Variants in RANBP3L observed in about 807,000 individuals in gnomAD.
The protein encoded by RANBP3L is RAN binding protein 3 like, also known as ran-binding protein 3-like.
In RANBP3L, 56 loss-of-function variants were observed where a neutral mutation model predicts 67.2. That is an observed-to-expected ratio of 0.83 (90% CI 0.67 to 1.04). The LOEUF is 1.04. Among genes scored for constraint, RANBP3L ranks in the 50% least tolerant of loss-of-function variants. The probability of loss-of-function intolerance (pLI) is 0.00; values close to 1 mark genes in which losing one functional copy is unlikely to be tolerated. For missense variants in RANBP3L, 496 were observed against 535.5 expected, an observed-to-expected ratio of 0.93 and a Z score of 0.73; for synonymous variants, 164 against 181.4, an observed-to-expected ratio of 0.90 and a Z score of 0.77.
intron 1 of RANBP3L, among the ~76,000 whole-genome samples, chr5:36,273,640 T>G (rs1031585039): frequency 6.6e-6 from 1 of 152,176 alleles, no homozygotes; most frequent in Non-Finnish European, 1.5e-5. Flanking sequence ...AAAGTAAGCA[T>G]TTGTCAAGCC....
rs1309514550 is a variant in RANBP3L at position 36,247,765 on chromosome 5, T to A, written c.*1889A>T. 6.6e-6 allele frequency among the ~76,000 whole-genome samples: 1 copy of A among 152,168 alleles called. No individual in the cohort carries two copies. The highest frequency in any genetic ancestry group is 1.5e-5 in the Non-Finnish European group (1 of 68,036). On this transcript the variant is annotated 3_prime_UTR_variant, in exon 14 of 14. Transcript: ENST00000296604. ...CAGGTATGATGGCGGGCGCCTGTAA[T>A]CCCAGCTACTCAGGAGGCTGAGTGA...
chr5:36,262,547 T>G (rs891298807), intron 6 of RANBP3L, among the ~76,000 whole-genome samples: 1 of 152,132 alleles, frequency 6.6e-6, no homozygotes, highest in African/African-American at 2.4e-5. Flanking sequence ...TGTACATATG[T>G]GTATGCACAA....
intron 11 of RANBP3L, 71 bp from the exon 12 acceptor site, chr5:36,253,860 A>G: frequency 1.4e-6 from 2 of 1,456,382 alleles, no homozygotes; most frequent in Non-Finnish European, 1.9e-6. Flanking sequence ...TTTCAAAAGC[A>G]AAATAAATCT....
At chr5:36,263,880 C>T (rs1391544868) in intron 6 of RANBP3L, among the ~76,000 whole-genome samples, 1 of 152,186 alleles carries the variant, frequency 6.6e-6, no homozygotes, top group Non-Finnish European at 1.5e-5. Flanking sequence ...ATAATTATTA[C>T]ATTATATTTA....
At chr5:36,291,187 C>T (rs1751726884) in intron 1 of RANBP3L, among the ~76,000 whole-genome samples, 1 of 151,950 alleles carries the variant, frequency 6.6e-6, no homozygotes, top group African/African-American at 2.4e-5. Context: ...AAAACTGAAA[C>T]CCTGTACCAT....
At position 36,300,656 on chromosome 5, in the gene RANBP3L, C is replaced by T. The variant is rs141136816; in HGVS notation, c.91+670G>A. Among the ~76,000 whole-genome samples the T allele has an allele frequency of 3.4e-3, 517 of 152,250 alleles. 3 individuals are homozygous for T. Among genetic ancestry groups the T allele is most frequent in the African/African-American group, 0.012 (479 of 41,542 alleles). ...CTTTCCCACAAGTGTCATTTGCTGT[C>T]CCTGACAGGGTGGATTGGAGGGATC... is the stretch of plus-strand genomic sequence containing the variant. On this transcript the variant is annotated intron_variant, in intron 1 of 13. Transcript: ENST00000296604.
chr5:36,280,891 C>T (rs1012327063), intron 1 of RANBP3L, among the ~76,000 whole-genome samples: 1 of 152,052 alleles, frequency 6.6e-6, no homozygotes, highest in Non-Finnish European at 1.5e-5. Flanking sequence ...CTAGTCTTTA[C>T]TCTTTTGCCT....
intron 1 of RANBP3L, among the ~76,000 whole-genome samples, chr5:36,278,909 C>T (rs1054876326): frequency 6.6e-6 from 1 of 152,058 alleles, no homozygotes; most frequent in African/African-American, 2.4e-5. Flanking sequence ...AAAAGGTCAC[C>T]GGTTGAGATT....
intron 1 of RANBP3L, among the ~76,000 whole-genome samples, chr5:36,289,713 TG>T (rs1221018847): frequency 6.6e-6 from 1 of 152,194 alleles, no homozygotes; most frequent in Non-Finnish European, 1.5e-5. Context: ...CGATATTTTT[TG>T]TATGTTGACT....
At chr5:36,265,977 CAAAAAAA>C (rs10717173) in intron 4 of RANBP3L, among the ~76,000 whole-genome samples, 1,463 of 76,092 alleles carry the variant, frequency 0.019, 32 homozygotes, top group African/African-American at 0.069. Flanking sequence ...GACTCCATTT[CAAAAAAA>C]AAAAAAAAAA....
In RANBP3L at chr5:36,251,364, T is replaced by G; in HGVS notation, c.1303A>C (p.Ser435Arg). The part of the protein sequence containing the change: ...SETAQQLNCE[S>R]CDENEDDFIQ... ...AAATCATCCTCATTCTCATCACAGC[T>G]TTCGCAGTTCAATTGTTGGGCTGTT... The change falls in exon 13 of 14, where the codon AGC becomes CGC. Residue 435 changes from serine to arginine, a missense_variant. Transcript: ENST00000296604. 6.2e-7 allele frequency: 1 copy of G among 1,613,448 alleles called. No individual in the cohort carries two copies. The highest frequency in any genetic ancestry group is 2.2e-5 in the East Asian group (1 of 44,850).
intron 12 of RANBP3L, among the ~76,000 whole-genome samples, chr5:36,252,998 GT>G (rs1048309172): frequency 2.0e-5 from 3 of 151,688 alleles, no homozygotes; most frequent in African/African-American, 7.3e-5. Flanking sequence ...GGGAAATCCA[GT>G]TTTTTTTGAG....
At chr5:36,265,555 A>T in intron 4 of RANBP3L, 35 bp from the exon 5 acceptor site, 1 of 1,276,944 alleles carries the variant, frequency 7.8e-7, no homozygotes, top group Non-Finnish European at 1.1e-6. Context: ...TTTTAAATAC[A>T]GAAGAGTGTC....
At chr5:36,301,083 T>TA (rs1316179702) in intron 1 of RANBP3L, among the ~76,000 whole-genome samples, 1 of 152,120 alleles carries the variant, frequency 6.6e-6, no homozygotes, top group African/African-American at 2.4e-5. Flanking sequence ...TAGCATACTC[T>TA]AAAAAACACA....
chr5:36,257,540 G>C lies in RANBP3L; in HGVS notation c.686C>G (p.Thr229Ser). The C allele has an allele frequency of 1.9e-6, 3 of 1,563,924 alleles. No individual in the cohort carries two copies. The highest frequency in any genetic ancestry group is 2.6e-6 in the Non-Finnish European group (3 of 1,145,380). The change falls in exon 9 of 14, where the codon ACC becomes AGC. Residue 229 changes from threonine (T) to serine (S), a missense_variant. Thr to Ser is a moderately conservative substitution (Grantham distance 58). Transcript: ENST00000296604. ...TGAATCATTTTCAAGTTGAGGCTGG[G>C]TGAGTTTTTGAGTACCCTGAGAGCG... is the stretch of plus-strand genomic sequence containing the variant. ...VERVLGTQKL[T>S]QPQLENDSYA...
intron 7 of RANBP3L, among the ~76,000 whole-genome samples, chr5:36,261,068 C>T (rs1749350147): frequency 6.6e-6 from 1 of 152,184 alleles, no homozygotes; most frequent in Admixed American, 6.5e-5. Context: ...GCTCTTACAG[C>T]ACTGGCAGAG....
chr5:36,291,232 AC>A (rs1001491915), intron 1 of RANBP3L, among the ~76,000 whole-genome samples: 4 of 151,682 alleles, frequency 2.6e-5, no homozygotes, highest in Admixed American at 2.6e-4. Context: ...CTGCCCCAAA[AC>A]CCTAGAAGCG....
chr5:36,299,041 G>A (rs757720530), intron 1 of RANBP3L, among the ~76,000 whole-genome samples: 6 of 152,086 alleles, frequency 3.9e-5, no homozygotes, highest in Non-Finnish European at 7.3e-5. Context: ...CCTTAATCTA[G>A]TGGGCACAAT....
At chr5:36,295,678 T>G (rs991109072) in intron 1 of RANBP3L, among the ~76,000 whole-genome samples, 89 of 149,194 alleles carry the variant, frequency 6.0e-4, no homozygotes, top group African/African-American at 2.1e-3. Context: ...ATCCTGTTTT[T>G]TTTTTTTTTT....
Sources: allele counts gnomAD v4.1 joint callset (sites outside exome capture counted in the v4.1 genomes callset), GRCh38; gene constraint gnomAD v4.1.1; transcripts MANE v1.5; gene names NCBI Gene and HGNC (gene_info 2026-07-23, HGNC 2026-07-21).